The following DCLK1 variants were observed in gnomAD, a reference collection of about 807,000 sequenced individuals.
DCLK1 encodes doublecortin like kinase 1, also known as serine/threonine-protein kinase DCLK1.
DCLK1 carries 16 observed loss-of-function variants against 86.2 expected under a neutral mutation model. The ratio of observed to expected loss-of-function variants is 0.19; its 90% CI spans 0.13 to 0.28. The LOEUF (loss-of-function observed/expected upper bound fraction) is 0.28. DCLK1 is among the 10% of genes least tolerant of loss of function. The pLI is 1.00. For missense variants in DCLK1, 590 were observed against 940.2 expected (o/e 0.63, Z 4.87); for synonymous variants, 369 against 370.5 (o/e 1.00, Z 0.05).
intron 16 of DCLK1, among the ~76,000 whole-genome samples, chr13:35,792,794 A>G (rs527672366): frequency 6.6e-6 from 1 of 152,344 alleles, no homozygotes; most frequent in South Asian, 2.1e-4. Flanking sequence ...ACGCATCAAT[A>G]AAATAGTAAA....
At chr13:36,030,424 G>C (rs1206990137) in intron 3 of DCLK1, among the ~76,000 whole-genome samples, 1 of 150,280 alleles carries the variant, frequency 6.7e-6, no homozygotes, top group Non-Finnish European at 1.5e-5. Context: ...AGCCTCCCAA[G>C]TAGCTGGGAT....
At chr13:35,792,744 T>A (rs958918293) in intron 16 of DCLK1, among the ~76,000 whole-genome samples, 1 of 152,228 alleles carries the variant, frequency 6.6e-6, no homozygotes, top group African/African-American at 2.4e-5. Flanking sequence ...ATGTAGTGTA[T>A]GTCTGCATGT....
chr13:36,111,667 A>AT (rs1168506536), intron 3 of DCLK1, among the ~76,000 whole-genome samples: 2 of 152,162 alleles, frequency 1.3e-5, no homozygotes, highest in African/African-American at 2.4e-5. Context: ...AAAGATATGC[A>AT]TTTTTTTCTT....
At chr13:36,063,318 C>T (rs17053385) in intron 3 of DCLK1, among the ~76,000 whole-genome samples, 15,969 of 152,002 alleles carry the variant, frequency 0.11, 1,304 homozygotes, top group East Asian at 0.3. Context: ...ATATTACAAG[C>T]GATGAAGACA....
chr13:36,025,359 C>T (rs1881989300), intron 3 of DCLK1, among the ~76,000 whole-genome samples: 1 of 152,184 alleles, frequency 6.6e-6, no homozygotes, highest in Non-Finnish European at 1.5e-5. Context: ...CAGACACCCA[C>T]ATGTGAAAGA....
chr13:35,834,433 G>A (rs950217418), intron 8 of DCLK1, among the ~76,000 whole-genome samples: 7 of 152,264 alleles, frequency 4.6e-5, no homozygotes, highest in East Asian at 1.9e-4. Context: ...AGCTGGGCTC[G>A]GACCTATGTC....
intron 15 of DCLK1, among the ~76,000 whole-genome samples, chr13:35,804,031 T>A (rs1034785578): frequency 3.3e-5 from 5 of 152,176 alleles, no homozygotes; most frequent in African/African-American, 1.2e-4. Flanking sequence ...AAGAACACAA[T>A]AAGTACAAAC....
At chr13:35,834,615 C>T (rs1869217145) in intron 8 of DCLK1, among the ~76,000 whole-genome samples, 1 of 152,170 alleles carries the variant, frequency 6.6e-6, no homozygotes, top group Non-Finnish European at 1.5e-5. Context: ...GAGGTTGCTC[C>T]TGCTTTGGGA....
intron 16 of DCLK1, among the ~76,000 whole-genome samples, chr13:35,781,357 AG>A (rs1379869745): frequency 1.3e-5 from 2 of 152,220 alleles, no homozygotes; most frequent in Non-Finnish European, 2.9e-5. Context: ...ATAGACTGAA[AG>A]GGGGTTATTG....
At chr13:35,870,632 ACTTCATGT>A (rs1284228419) in intron 5 of DCLK1, among the ~76,000 whole-genome samples, 1 of 152,162 alleles carries the variant, frequency 6.6e-6, no homozygotes. Flanking sequence ...TTTCTAACTG[ACTTCATGT>A]CAGTTTTAAG....
chr13:35,788,068 T>A, intron 16 of DCLK1: 1 of 793,854 alleles, frequency 1.3e-6, no homozygotes, highest in East Asian at 2.5e-5. Context: ...GGCATCTCAA[T>A]CAAGATTAAA....
intron 3 of DCLK1, among the ~76,000 whole-genome samples, chr13:35,977,110 T>C (rs1357885097): frequency 7.5e-6 from 1 of 133,478 alleles, no homozygotes; most frequent in Non-Finnish European, 1.7e-5. Context: ...TGCTGTATTT[T>C]TCGTGTATGT....
intron 3 of DCLK1, among the ~76,000 whole-genome samples, chr13:35,948,331 A>C (rs935422616): frequency 2.6e-5 from 4 of 152,200 alleles, no homozygotes; most frequent in African/African-American, 9.7e-5. Flanking sequence ...GAATCATAAG[A>C]TGGCCAGTTG....
intron 10 of DCLK1, among the ~76,000 whole-genome samples, chr13:35,823,355 G>GCACACACACACACACA (rs34702154): frequency 2.7e-5 from 4 of 147,766 alleles, no homozygotes; most frequent in African/African-American, 9.9e-5. Context: ...TTATTAGGAT[G>GCACACACACACACACA]CACACACACA....
chr13:35,783,786 A>G (rs2086572415), intron 16 of DCLK1, among the ~76,000 whole-genome samples: 1 of 152,012 alleles, frequency 6.6e-6, no homozygotes, highest in Non-Finnish European at 1.5e-5. Context: ...GGGTTTCACC[A>G]TGTTGGCCAG....
intron 3 of DCLK1, among the ~76,000 whole-genome samples, chr13:36,090,860 C>A (rs1884797364): frequency 6.6e-6 from 1 of 152,126 alleles, no homozygotes; most frequent in African/African-American, 2.4e-5. Flanking sequence ...CACCCTACCC[C>A]ACTCCACCCC....
At chr13:36,005,442 T>G (rs940967180) in intron 3 of DCLK1, among the ~76,000 whole-genome samples, 1 of 152,188 alleles carries the variant, frequency 6.6e-6, no homozygotes, top group Admixed American at 6.5e-5. Context: ...ATTTAGTAAA[T>G]AATCTTGCAT....
intron 2 of DCLK1, among the ~76,000 whole-genome samples, chr13:36,112,648 A>C (rs1193453047): frequency 6.6e-6 from 1 of 152,228 alleles, no homozygotes; most frequent in Non-Finnish European, 1.5e-5. Flanking sequence ...ACAGCATCTT[A>C]AAATAGTCAT....
In DCLK1 at chr13:36,070,487, A is replaced by G. The variant is rs144396675; in HGVS notation, c.723+41382T>C. Among the ~76,000 whole-genome samples, 904 of 152,320 alleles carry G rather than the reference A, an allele frequency of 5.9e-3. 9 individuals carry two copies. The highest frequency in any genetic ancestry group is 0.021 in the African/African-American group (853 of 41,574). ...TTCTATTAGGTTAGGTTAGATATTT[A>G]TCAAACAAGGTCACACTAATTTCAA... On this transcript the variant is annotated intron_variant, in intron 3 of 16. Transcript: ENST00000360631.
Sources: gnomAD v4.1 joint callset for allele counts (sites outside exome capture counted in the v4.1 genomes callset) on GRCh38, gnomAD v4.1.1 for gene constraint, MANE v1.5 for transcripts, NCBI Gene and HGNC (gene_info 2026-07-23, HGNC 2026-07-21) for gene names.